ZFHX4: variants seen among roughly 807,000 people sequenced by gnomAD.
ZFHX4 encodes the protein zinc finger homeobox 4, also known as zinc finger homeobox protein 4.
In ZFHX4, 56 loss-of-function variants were observed where a neutral mutation model predicts 267.6. The observed-to-expected ratio is 0.21, with a 90% confidence interval of 0.17 to 0.26. The LOEUF (loss-of-function observed/expected upper bound fraction) is 0.26. ZFHX4 is among the 10% of genes least tolerant of loss of function. The pLI is 1.00. For missense variants in ZFHX4, 4,332 were observed against 4,420.0 expected (o/e 0.98, Z 0.56); for synonymous variants, 1,778 against 1,665.6 (o/e 1.07, Z -1.64).
chr8:76,805,667 TTAGA>T (rs1811226634), intron 4 of ZFHX4, among the ~76,000 whole-genome samples: 2 of 151,880 alleles, frequency 1.3e-5, no homozygotes, highest in Admixed American at 1.3e-4. Context: ...ATGTTGTCCC[TTAGA>T]TAGTTTGCAC....
At chr8:76,802,901 T>C (rs1478966161) in intron 4 of ZFHX4, among the ~76,000 whole-genome samples, 1 of 152,182 alleles carries the variant, frequency 6.6e-6, no homozygotes, top group Non-Finnish European at 1.5e-5. Context: ...CACATTGGAA[T>C]GTAAATGCCC....
chr8:76,723,303 G>T (rs1049846956), intron 3 of ZFHX4, among the ~76,000 whole-genome samples: 1 of 151,970 alleles, frequency 6.6e-6, no homozygotes, highest in African/African-American at 2.4e-5. Flanking sequence ...AGAATTAGAA[G>T]ATTAGCATTC....
At chr8:76,839,690 C>T (rs1040335337) in intron 5 of ZFHX4, among the ~76,000 whole-genome samples, 3 of 152,036 alleles carry the variant, frequency 2.0e-5, no homozygotes, top group African/African-American at 4.8e-5. Flanking sequence ...AAATGAAAAC[C>T]GCTTTGGCAT....
chr8:76,864,824 G>A lies in ZFHX4; in HGVS notation c.*259G>A, dbSNP rs1812988672. 3.9e-6 allele frequency: 1 copy of A among 256,174 alleles called. No homozygotes were observed. The highest frequency in any genetic ancestry group is 2.2e-5 in the African/African-American group (1 of 44,798). 15.9% of individuals were successfully genotyped at this position (256,174 alleles called of 1,614,324 possible). A position where few individuals can be genotyped will look rare whatever the true frequency, so the allele number is the denominator to read the frequency against. Reference sequence around the variant, plus strand: ...AAAAAAAAATCTCACAAGTTCTTTTGGAACTTGTTTCAAGCCAAAAACTCT... The same window carrying A: ...AAAAAAAAATCTCACAAGTTCTTTTAGAACTTGTTTCAAGCCAAAAACTCT... On this transcript the variant is annotated 3_prime_UTR_variant, in exon 11 of 11. Coordinates refer to ENST00000651372, the MANE Select transcript of ZFHX4 (RefSeq NM_024721.5).
chr8:76,830,815 A>T (rs1412772864), intron 4 of ZFHX4, among the ~76,000 whole-genome samples: 1 of 152,194 alleles, frequency 6.6e-6, no homozygotes, highest in Non-Finnish European at 1.5e-5. Flanking sequence ...TATATTTTAT[A>T]TTCAAGGAAC....
intron 4 of ZFHX4, among the ~76,000 whole-genome samples, chr8:76,825,789 T>G (rs1175971559): frequency 2.0e-5 from 3 of 152,196 alleles, no homozygotes; most frequent in African/African-American, 7.2e-5. Flanking sequence ...TAAAAACTTG[T>G]GACATTGATT....
At chr8:76,798,293 C>T (rs1308460507) in intron 4 of ZFHX4, among the ~76,000 whole-genome samples, 1 of 152,072 alleles carries the variant, frequency 6.6e-6, no homozygotes, top group African/African-American at 2.4e-5. Flanking sequence ...CTAAAGGGAA[C>T]CCATTATGCA....
At chr8:76,763,450 C>T (rs1165041827) in intron 3 of ZFHX4, among the ~76,000 whole-genome samples, 2 of 152,108 alleles carry the variant, frequency 1.3e-5, no homozygotes, top group African/African-American at 4.8e-5. Context: ...TGGTAAAACC[C>T]TGTCTCTACA....
chr8:76,825,661 A>G (rs1811765040), intron 4 of ZFHX4, among the ~76,000 whole-genome samples: 1 of 152,242 alleles, frequency 6.6e-6, no homozygotes, highest in Non-Finnish European at 1.5e-5. Flanking sequence ...GATTCTTCAC[A>G]GCAAGAGTGA....
intron 3 of ZFHX4, among the ~76,000 whole-genome samples, chr8:76,772,518 G>T (rs1007144985): frequency 2.0e-5 from 3 of 152,052 alleles, no homozygotes; most frequent in African/African-American, 7.2e-5. Flanking sequence ...TAAGAGGAGG[G>T]ACATAGGTGA....
At chr8:76,693,227 A>G (rs570285849) in intron 1 of ZFHX4, among the ~76,000 whole-genome samples, 41 of 152,242 alleles carry the variant, frequency 2.7e-4, no homozygotes, top group African/African-American at 9.4e-4. Context: ...TAAATAGAAA[A>G]CTTCAGTTTA....
At chr8:76,844,751 A>T (rs972855674) in intron 6 of ZFHX4, among the ~76,000 whole-genome samples, 1 of 152,128 alleles carries the variant, frequency 6.6e-6, no homozygotes, top group Non-Finnish European at 1.5e-5. Context: ...GGGATAAAAA[A>T]TAAGCTCTAG....
Position 76,855,541 on chromosome 8 carries a change from C to A in ZFHX4, c.8620C>A (p.His2874Asn). The change falls in exon 10 of 11, where the codon CAT becomes AAT. Residue 2874 changes from histidine (H) to asparagine (N), a missense_variant. Coordinates refer to ENST00000651372, the MANE Select transcript of ZFHX4 (RefSeq NM_024721.5). ...CTTTTCTCTCACAAGCCCATCCATC[C>A]ATTTCAATGACAAAGATGGCGACCA... is the stretch of plus-strand genomic sequence containing the variant. ...FLFSLTSPSI[H>N]FNDKDGDHDQ... The A allele has an allele frequency of 6.2e-7, 1 of 1,613,908 alleles. No individual in the cohort carries two copies. Among genetic ancestry groups the A allele is most frequent in the Non-Finnish European group, 8.5e-7 (1 of 1,179,868 alleles).
chr8:76,805,924 C>T (rs1156334100), intron 4 of ZFHX4, among the ~76,000 whole-genome samples: 1 of 151,762 alleles, frequency 6.6e-6, no homozygotes, highest in Admixed American at 6.6e-5. Flanking sequence ...ATCTGAAATG[C>T]AACAAATTTA....
intron 3 of ZFHX4, among the ~76,000 whole-genome samples, chr8:76,756,155 T>A (rs1026860421): frequency 1.8e-4 from 27 of 152,212 alleles, no homozygotes; most frequent in African/African-American, 6.0e-4. Flanking sequence ...AAGGCCATCA[T>A]GTAGGGACGT....
intron 3 of ZFHX4, among the ~76,000 whole-genome samples, chr8:76,744,117 G>T (rs561705364): frequency 1.1e-4 from 17 of 152,176 alleles, no homozygotes; most frequent in Admixed American, 5.2e-4. Flanking sequence ...AGGCTGAGGT[G>T]GGTGGATCAC....
At chr8:76,835,229 A>ATATATATATATATG in intron 5 of ZFHX4, among the ~76,000 whole-genome samples, 1 of 90,760 alleles carries the variant, frequency 1.1e-5, no homozygotes, top group South Asian at 3.0e-4. Flanking sequence ...GTATATATAT[A>ATATATATATATATG]TATATATATA....
intron 10 of ZFHX4, among the ~76,000 whole-genome samples, chr8:76,858,418 A>G (rs1812785647): frequency 6.6e-6 from 1 of 152,218 alleles, no homozygotes; most frequent in Non-Finnish European, 1.5e-5. Context: ...TGCTTTATTA[A>G]ATCGTGGACT....
chr8:76,694,342 T>C (rs1006874414), intron 1 of ZFHX4, among the ~76,000 whole-genome samples: 2 of 152,132 alleles, frequency 1.3e-5, no homozygotes, highest in Non-Finnish European at 2.9e-5. Flanking sequence ...TTTTTGATAA[T>C]CCCTTCCCCG....
Sources: gnomAD v4.1 joint callset for allele counts (sites outside exome capture counted in the v4.1 genomes callset) on GRCh38, gnomAD v4.1.1 for gene constraint, MANE v1.5 for transcripts, NCBI Gene and HGNC (gene_info 2026-07-23, HGNC 2026-07-21) for gene names.